Variants in EIF4G3 observed in about 807,000 individuals in gnomAD.
EIF4G3 encodes the protein eukaryotic translation initiation factor 4 gamma 3.
EIF4G3 carries 34 observed loss-of-function variants against 186.4 expected under a neutral mutation model. The ratio of observed to expected loss-of-function variants is 0.18; its 90% CI spans 0.14 to 0.24. The LOEUF is 0.24. Among genes scored for constraint, EIF4G3 ranks in the 10% least tolerant of loss-of-function variants. EIF4G3 has a pLI of 1.00. For missense variants in EIF4G3, 1,536 were observed against 1,948.5 expected, an observed-to-expected ratio of 0.79 and a Z score of 3.99; for synonymous variants, 673 against 679.5, an observed-to-expected ratio of 0.99 and a Z score of 0.15.
At chr1:21,115,518 A>C (rs944642788) in intron 2 of EIF4G3, among the ~76,000 whole-genome samples, 2 of 152,206 alleles carry the variant, frequency 1.3e-5, no homozygotes, top group African/African-American at 4.8e-5. Flanking sequence ...CAAACCTTAA[A>C]TTTGTTAGGA....
At chr1:21,028,190 G>C (rs546970116) in intron 4 of EIF4G3, among the ~76,000 whole-genome samples, 1 of 152,164 alleles carries the variant, frequency 6.6e-6, no homozygotes, top group African/African-American at 2.4e-5. Context: ...CAAGATGAAA[G>C]AAAAGAGTTA....
chr1:20,860,336 A>G, intron 24 of EIF4G3, 49 bp downstream of exon 24: 1 of 1,609,456 alleles, frequency 6.2e-7, no homozygotes, highest in East Asian at 2.2e-5. Context: ...CTTAATATGT[A>G]TTCCTGAAAC....
At position 21,008,242 on chromosome 1, in the gene EIF4G3, G is replaced by A. The variant is rs538859056; in HGVS notation, c.-66-5434C>T. Among the ~76,000 whole-genome samples, 4 of 152,328 alleles carry A rather than the reference G, an allele frequency of 2.6e-5. No homozygotes were observed. In the South Asian group the frequency reaches 6.2e-4, roughly 24 times the overall value. Reference sequence around the variant, plus strand: ...TTTGATAATAAAAATTAAATCAACAGCATTAGCAGAAATCTAGCACAAAGA... The same window carrying A: ...TTTGATAATAAAAATTAAATCAACAACATTAGCAGAAATCTAGCACAAAGA... On this transcript the variant is annotated intron_variant, in intron 4 of 36. Coordinates refer to ENST00000602326, the MANE Select transcript of EIF4G3 (RefSeq NM_001391906.1).
intron 2 of EIF4G3, among the ~76,000 whole-genome samples, chr1:21,095,116 C>A (rs757349540): frequency 2.6e-5 from 4 of 152,094 alleles, no homozygotes; most frequent in Admixed American, 2.6e-4. Context: ...TTACTTAACA[C>A]GCCTAGCAGA....
At chr1:21,164,793 G>C (rs1443545015) in intron 2 of EIF4G3, among the ~76,000 whole-genome samples, 7 of 152,146 alleles carry the variant, frequency 4.6e-5, no homozygotes, top group Admixed American at 1.3e-4. Context: ...GAGCTCAGGA[G>C]TTCGAGGCTG....
intron 11 of EIF4G3, among the ~76,000 whole-genome samples, chr1:20,972,565 C>G (rs1340537439): frequency 6.6e-6 from 1 of 151,842 alleles, no homozygotes; most frequent in Non-Finnish European, 1.5e-5. Context: ...GCCCCAGAAG[C>G]AGAGGGTGCA....
intron 2 of EIF4G3, among the ~76,000 whole-genome samples, chr1:21,095,411 C>T (rs918934785): frequency 6.6e-6 from 1 of 152,134 alleles, no homozygotes; most frequent in Non-Finnish European, 1.5e-5. Flanking sequence ...ACCTTCTGGG[C>T]TCAAGTGATC....
At chr1:21,036,238 G>A (rs964795485) in intron 4 of EIF4G3, among the ~76,000 whole-genome samples, 2 of 151,926 alleles carry the variant, frequency 1.3e-5, no homozygotes, top group Non-Finnish European at 2.9e-5. Context: ...GCCGAGAGTC[G>A]AACACTCAAC....
chr1:20,904,918 G>C lies in EIF4G3; in HGVS notation c.1717C>G (p.Arg573Gly). 1 of 1,613,818 alleles carries C rather than the reference G, an allele frequency of 6.2e-7. No individual in the cohort carries two copies. The highest frequency in any genetic ancestry group is 8.5e-7 in the Non-Finnish European group (1 of 1,179,940). ...KTWKKPKDRTRTTEEMLEAEL... is the reference protein window; with the variant it reads ...KTWKKPKDRTGTTEEMLEAEL... ...GCCTCTAACATCTCTTCAGTGGTTC[G>C]GGTCCGATCTTTTGGTTTCTTCCAT... The change falls in exon 15 of 37, where the codon CGA (arginine) becomes GGA (glycine). Residue 573 changes from arginine (R) to glycine (G), a missense_variant. Around this residue, in one of 11 missense-constraint regions of EIF4G3, gnomAD observed 560 missense variants for 547.8 expected, o/e 1.02. Coordinates refer to ENST00000602326, the MANE Select transcript of EIF4G3 (RefSeq NM_001391906.1).
intron 8 of EIF4G3, 149 bp from the exon 9 acceptor site, chr1:20,981,376 G>A (rs1372458672): frequency 1.6e-6 from 1 of 612,772 alleles, no homozygotes; most frequent in African/African-American, 1.8e-5. Flanking sequence ...ACCTATTGCT[G>A]GGTTCCCAAA....
intron 2 of EIF4G3, among the ~76,000 whole-genome samples, chr1:21,136,152 C>T (rs1573108229): frequency 6.6e-6 from 1 of 151,462 alleles, no homozygotes; most frequent in Non-Finnish European, 1.5e-5. Flanking sequence ...TACTGCAGTC[C>T]GCAGTCCGGC....
intron 4 of EIF4G3, among the ~76,000 whole-genome samples, chr1:21,046,545 C>G (rs1336666617): frequency 6.6e-6 from 1 of 152,090 alleles, no homozygotes; most frequent in Non-Finnish European, 1.5e-5. Context: ...TCACTTAGAC[C>G]TTAGTAGATT....
At chr1:21,067,442 T>C (rs1307483693) in intron 3 of EIF4G3, among the ~76,000 whole-genome samples, 3 of 152,134 alleles carry the variant, frequency 2.0e-5, no homozygotes, top group Non-Finnish European at 4.4e-5. Flanking sequence ...TTTTATTAAA[T>C]AATATTTTAA....
chr1:21,073,665 T>C, intron 3 of EIF4G3: 2 of 520,682 alleles, frequency 3.8e-6, no homozygotes, highest in Non-Finnish European at 7.6e-6. Flanking sequence ...CCCAACCTTC[T>C]TGGTATAAAG....
At chr1:20,821,119 C>A (rs1351182589) in intron 33 of EIF4G3, among the ~76,000 whole-genome samples, 2 of 152,224 alleles carry the variant, frequency 1.3e-5, no homozygotes, top group African/African-American at 4.8e-5. Context: ...CTCCAGAGAT[C>A]CCGTTAACAC....
At chr1:20,985,788 T>C (rs971426727) in intron 7 of EIF4G3, among the ~76,000 whole-genome samples, 1 of 152,196 alleles carries the variant, frequency 6.6e-6, no homozygotes, top group Admixed American at 6.5e-5. Context: ...ACCATCCACC[T>C]AAAGTCTGAA....
chr1:21,164,600 C>A (rs2097824580), intron 2 of EIF4G3, among the ~76,000 whole-genome samples: 1 of 152,058 alleles, frequency 6.6e-6, no homozygotes, highest in Admixed American at 6.6e-5. Flanking sequence ...GTGGCTCGCA[C>A]CTATAATCCC....
intron 29 of EIF4G3, chr1:20,848,019 T>C: frequency 2.9e-6 from 1 of 348,680 alleles, no homozygotes. Flanking sequence ...CAGGATGGAA[T>C]GCAGTGGATG....
chr1:21,142,823 C>T (rs1218071330), intron 2 of EIF4G3, among the ~76,000 whole-genome samples: 1 of 151,972 alleles, frequency 6.6e-6, no homozygotes, highest in East Asian at 1.9e-4. Flanking sequence ...ACAGAAATAA[C>T]TCAAGTAGAT....
Sources: allele counts gnomAD v4.1 joint callset (sites outside exome capture counted in the v4.1 genomes callset), GRCh38; gene constraint gnomAD v4.1.1; regional missense constraint gnomAD v4.1.1; transcripts MANE v1.5; gene names NCBI Gene and HGNC (gene_info 2026-07-23, HGNC 2026-07-21).